SLC22A4: variants seen among roughly 807,000 people sequenced by gnomAD.
SLC22A4 encodes the protein ET transporter.
SLC22A4 carries 39 observed loss-of-function variants against 56.6 expected under a neutral mutation model. The ratio of observed to expected loss-of-function variants is 0.69; its 90% CI spans 0.53 to 0.90. The LOEUF (loss-of-function observed/expected upper bound fraction) is 0.90. SLC22A4 is among the 40% of genes least tolerant of loss of function. The pLI, the probability that SLC22A4 is intolerant of heterozygous loss-of-function variation, is 0.00. For missense variants in SLC22A4, 594 were observed against 696.5 expected, an observed-to-expected ratio of 0.85 and a Z score of 1.66; for synonymous variants, 241 against 281.4, an observed-to-expected ratio of 0.86 and a Z score of 1.44.
chr5:132,309,583 C>T (rs1580824501), intron 1 of SLC22A4, among the ~76,000 whole-genome samples: 1 of 152,378 alleles, frequency 6.6e-6, no homozygotes, highest in South Asian at 2.1e-4. Flanking sequence ...ATTCAGAACT[C>T]CTGCATCTGC....
Position 132,343,924 on chromosome 5 carries a change from G to A in SLC22A4, c.*89G>A. ...TTGTTCCCACTGAAATGGACTGACT[G>A]TAACGATTGACACCAAAATGAACCT... On this transcript the variant is annotated 3_prime_UTR_variant, in exon 10 of 10. Transcript: ENST00000200652. 3 of 787,038 alleles carry A rather than the reference G, an allele frequency of 3.8e-6. No individual in the cohort carries two copies. The highest frequency in any genetic ancestry group is 1.6e-5 in the South Asian group (1 of 63,672). 48.8% of individuals were successfully genotyped at this position (787,038 alleles called of 1,614,324 possible).
At chr5:132,336,953 T>C (rs1751041517) in intron 8 of SLC22A4, among the ~76,000 whole-genome samples, 1 of 152,210 alleles carries the variant, frequency 6.6e-6, no homozygotes, top group Non-Finnish European at 1.5e-5. Flanking sequence ...ATGAAAATCT[T>C]ACTTTTATAC....
intron 1 of SLC22A4, among the ~76,000 whole-genome samples, chr5:132,309,926 A>G (rs889009435): frequency 3.3e-5 from 5 of 152,258 alleles, no homozygotes; most frequent in African/African-American, 1.2e-4. Flanking sequence ...AGGAGAGCAC[A>G]TTATATTTGA....
At position 132,294,902 on chromosome 5, in the gene SLC22A4, G is replaced by C. The variant is rs757815454; in HGVS notation, c.286G>C (p.Gly96Arg). Residue 96 changes from glycine (G) to arginine (R), a missense_variant, in exon 1 of 10, where the codon GGG becomes CGG. Physicochemically the swap from Gly to Arg is moderately radical, Grantham distance 125. Coordinates refer to ENST00000200652, the MANE Select transcript of SLC22A4 (RefSeq NM_003059.3). The surrounding 1 kb of genome is among the most constrained non-coding windows in gnomAD (Gnocchi z 5.6). ...CACCATCGCCAACTTCTCGGCGCTC[G>C]GGCTGGAGCCGGGGCGCGACGTGGA... ...LATIANFSAL[G>R]LEPGRDVDLG... The C allele has an allele frequency of 2.2e-5, 35 of 1,596,338 alleles. No individual in the cohort carries two copies. The highest frequency in any genetic ancestry group is 8.8e-5 in the Admixed American group (5 of 56,956).
At chr5:132,337,340 C>A (rs998120054) in intron 8 of SLC22A4, among the ~76,000 whole-genome samples, 1 of 149,484 alleles carries the variant, frequency 6.7e-6, no homozygotes, top group Non-Finnish European at 1.5e-5. Context: ...TCCTAGATTC[C>A]CAGCTCACTG....
chr5:132,304,605 A>G (rs990663730), intron 1 of SLC22A4, among the ~76,000 whole-genome samples: 8 of 152,192 alleles, frequency 5.3e-5, no homozygotes, highest in African/African-American at 1.9e-4. Context: ...CAACAGAGTG[A>G]GACTTCATCT....
In SLC22A4 at chr5:132,340,631, C is replaced by G; in HGVS notation, c.1511C>G (p.Thr504Ser). The part of the protein sequence containing the change: ...GSLTVLIGIL[T>S]LFFPESLGMT... Reference sequence around the variant, plus strand: ...CTGACTGTCCTGATTGGAATCCTCACCCTTTTTTTCCCTGAAAGTTTGGGA... The same window carrying G: ...CTGACTGTCCTGATTGGAATCCTCAGCCTTTTTTTCCCTGAAAGTTTGGGA... The change falls in exon 9 of 10, where the codon ACC becomes AGC. Residue 504 changes from threonine to serine, a missense_variant. Transcript: ENST00000200652. 6.2e-7 allele frequency: 1 copy of G among 1,613,716 alleles called. No individual in the cohort carries two copies. The highest frequency in any genetic ancestry group is 8.5e-7 in the Non-Finnish European group (1 of 1,179,672).
intron 1 of SLC22A4, among the ~76,000 whole-genome samples, chr5:132,304,333 T>C (rs987636285): frequency 6.6e-6 from 1 of 152,154 alleles, no homozygotes; most frequent in South Asian, 2.1e-4. Context: ...AATAGAAAGA[T>C]CAGACTGGCG....
intron 1 of SLC22A4, among the ~76,000 whole-genome samples, chr5:132,300,247 G>A (rs770567180): frequency 6.6e-6 from 1 of 152,144 alleles, no homozygotes; most frequent in Non-Finnish European, 1.5e-5. Context: ...TATTACTGGT[G>A]ATGTTAACCT....
intron 1 of SLC22A4, chr5:132,295,572 C>A (rs1488456420): frequency 6.8e-6 from 2 of 296,210 alleles, no homozygotes; most frequent in Non-Finnish European, 1.3e-5. Context: ...GCACAGAAGG[C>A]GAAACCCCAG....
chr5:132,328,830 TATATATATAC>T (rs199639849), intron 5 of SLC22A4, among the ~76,000 whole-genome samples: 2,874 of 24,526 alleles, frequency 0.12, 176 homozygotes, highest in East Asian at 0.37. Flanking sequence ...CCTTTATATA[TATATATATAC>T]ACACACACAC....
intron 9 of SLC22A4, among the ~76,000 whole-genome samples, chr5:132,341,093 G>A (rs1751204379): frequency 6.6e-6 from 1 of 151,816 alleles, no homozygotes; most frequent in Non-Finnish European, 1.5e-5. Flanking sequence ...TCCAGCCTGG[G>A]CAACAAGAGC....
chr5:132,296,605 G>T (rs1338102260), intron 1 of SLC22A4, among the ~76,000 whole-genome samples: 1 of 152,162 alleles, frequency 6.6e-6, no homozygotes, highest in African/African-American at 2.4e-5. Flanking sequence ...ACCTACCCTG[G>T]GCCCTAAGGT....
intron 1 of SLC22A4, among the ~76,000 whole-genome samples, chr5:132,305,993 A>G (rs57211108): frequency 6.6e-6 from 1 of 152,184 alleles, no homozygotes; most frequent in South Asian, 2.1e-4. Flanking sequence ...GATGTTCAAC[A>G]TTAGTTATTA....
intron 4 of SLC22A4, 25 bp from the exon 5 acceptor site, chr5:132,327,252 A>T (rs1561543903): frequency 6.7e-7 from 1 of 1,501,772 alleles, no homozygotes; most frequent in East Asian, 2.5e-5. Flanking sequence ...GTGAAAAATT[A>T]TTAAATATTA....
chr5:132,335,873 T>C lies in SLC22A4; in HGVS notation c.1317T>C (p.Ser439=), dbSNP rs1191287322. Residue 439 remains serine (S), a synonymous_variant, in exon 8 of 10, where the codon TCT becomes TCC. Coordinates refer to ENST00000200652, the MANE Select transcript of SLC22A4 (RefSeq NM_003059.3). ...TGCTGGGAAAATTTGGGATCACCTC[T>C]GCTTTCTCCATGCTGTATGTCTTCA... is the stretch of plus-strand genomic sequence containing the variant. The part of the protein sequence containing the change: ...LVMLGKFGIT[S]AFSMLYVFTA... The C allele has an allele frequency of 6.2e-7, 1 of 1,614,198 alleles. No homozygotes were observed. The highest frequency in any genetic ancestry group is 1.1e-5 in the South Asian group (1 of 91,088).
intron 1 of SLC22A4, among the ~76,000 whole-genome samples, chr5:132,299,395 T>G (rs1284437335): frequency 5.3e-4 from 1 of 1,882 alleles, no homozygotes; most frequent in East Asian, 2.4e-3. Flanking sequence ...TTATTTTTCG[T>G]TTTATTTTAT....
rs1254351424 is a variant in SLC22A4 at position 132,331,756 on chromosome 5, G to A, written c.952G>A (p.Glu318Lys). 1 of 1,609,738 alleles carries A rather than the reference G, an allele frequency of 6.2e-7. No homozygotes were observed. Among genetic ancestry groups the A allele is most frequent in the Non-Finnish European group, 8.5e-7 (1 of 1,176,166 alleles). ...GTTATTTGCATTATTTTGGTTACAG[G>A]AGCTAAATCCCCTGAAGCAGCAGAA... is the stretch of plus-strand genomic sequence containing the variant. Reference protein sequence around the residue: ...VPAVIFDSVEELNPLKQQKAF... With the variant: ...VPAVIFDSVEKLNPLKQQKAF... Residue 318 changes from glutamate to lysine, a missense_variant and splice_region_variant, in exon 6 of 10, where the codon GAG becomes AAG. Glu to Lys is a moderately conservative substitution (Grantham distance 56). Coordinates refer to ENST00000200652, the MANE Select transcript of SLC22A4 (RefSeq NM_003059.3).
At chr5:132,314,913 T>C (rs1232104936) in intron 3 of SLC22A4, among the ~76,000 whole-genome samples, 1 of 152,178 alleles carries the variant, frequency 6.6e-6, no homozygotes, top group Non-Finnish European at 1.5e-5. Flanking sequence ...TGGAGCCACA[T>C]GGTCCCAGCA....
Sources: allele counts gnomAD v4.1 joint callset (sites outside exome capture counted in the v4.1 genomes callset), GRCh38; gene constraint gnomAD v4.1.1; non-coding constraint Gnocchi (gnomAD v3.1); transcripts MANE v1.5; gene names NCBI Gene and HGNC (gene_info 2026-07-23, HGNC 2026-07-21).